CNTN3: variants seen among roughly 807,000 people sequenced by gnomAD.
CNTN3 encodes the protein contactin-3.
A neutral mutation model predicts 119.1 loss-of-function variants in CNTN3; 60 were observed. That is an observed-to-expected ratio of 0.50 (90% CI 0.41 to 0.62). CNTN3 has a LOEUF of 0.62. Ranked by LOEUF, CNTN3 falls within the 20% of genes least tolerant of loss-of-function variation. The probability of loss-of-function intolerance (pLI) is 0.00; values close to 1 mark genes in which losing one functional copy is unlikely to be tolerated. For synonymous variants in CNTN3, 450 were observed against 438.7 expected (o/e 1.03, Z -0.32); for missense variants, 1,101 against 1,242.4 (o/e 0.89, Z 1.71).
chr3:74,446,612 AT>A (rs1221336474), intron 4 of CNTN3, among the ~76,000 whole-genome samples: 5 of 151,880 alleles, frequency 3.3e-5, no homozygotes, highest in African/African-American at 1.2e-4. Context: ...TCTGTGAATA[AT>A]TTTTATATTG....
At chr3:74,478,038 T>C (rs796152932) in intron 4 of CNTN3, among the ~76,000 whole-genome samples, 2 of 152,214 alleles carry the variant, frequency 1.3e-5, no homozygotes, top group African/African-American at 4.8e-5. Context: ...AACTAGGACT[T>C]ACTAGTAGGT....
rs779154110 is a variant in CNTN3 at position 74,301,406 on chromosome 3, T to C, written c.2087A>G (p.Glu696Gly). The C allele has an allele frequency of 1.1e-5, 18 of 1,613,870 alleles. No individual in the cohort carries two copies. In the South Asian group the frequency reaches 2.0e-4, roughly 18 times the overall value. ...GAAAAAAAAACACTAACCTGCCTCTTCAGTTCTTACTTTTTCTGAGGGTAA... is the reference window on the plus strand; with the variant it reads ...GAAAAAAAAACACTAACCTGCCTCTCCAGTTCTTACTTTTTCTGAGGGTAA... ...PSLPSEKVRT[E>G]EAVPEVPPSE... is the part of the protein sequence containing the mutation. Residue 696 changes from glutamate to glycine, a missense_variant, in exon 16 of 23, where the codon GAA becomes GGA. Physicochemically the swap from Glu to Gly is moderately conservative, Grantham distance 98 (BLOSUM62 -2). Transcript: ENST00000263665.
chr3:74,389,972 T>C (rs888838690), intron 5 of CNTN3, among the ~76,000 whole-genome samples: 1 of 152,194 alleles, frequency 6.6e-6, no homozygotes, highest in Non-Finnish European at 1.5e-5. Context: ...GGAAGAAGCA[T>C]GGTGATAATT....
At chr3:74,608,057 CTT>C (rs1705022234) in intron 1 of CNTN3, among the ~76,000 whole-genome samples, 1 of 152,124 alleles carries the variant, frequency 6.6e-6, no homozygotes, top group Non-Finnish European at 1.5e-5. Flanking sequence ...ATACAGAACT[CTT>C]TGTACTATGT....
At chr3:74,407,423 C>T (rs945650779) in intron 5 of CNTN3, among the ~76,000 whole-genome samples, 3 of 144,680 alleles carry the variant, frequency 2.1e-5, no homozygotes, top group African/African-American at 7.8e-5. Context: ...CATGTGCCAC[C>T]ACGCCTGGCT....
At chr3:74,592,060 A>G (rs950958339) in intron 1 of CNTN3, among the ~76,000 whole-genome samples, 1 of 151,942 alleles carries the variant, frequency 6.6e-6, no homozygotes, top group Admixed American at 6.6e-5. Flanking sequence ...CACATAAAAA[A>G]TCTCCAAAAG....
chr3:74,421,674 A>T (rs1701618429), intron 5 of CNTN3, among the ~76,000 whole-genome samples: 1 of 152,236 alleles, frequency 6.6e-6, no homozygotes, highest in African/African-American at 2.4e-5. Flanking sequence ...TATGGGAGAC[A>T]GAGAAGGGCA....
intron 2 of CNTN3, among the ~76,000 whole-genome samples, chr3:74,500,975 A>G (rs934515869): frequency 6.6e-6 from 1 of 152,078 alleles, no homozygotes; most frequent in Admixed American, 6.6e-5. Context: ...TGTAAAACAC[A>G]TATTCTAGAA....
chr3:74,348,376 T>C (rs185590910), intron 11 of CNTN3, among the ~76,000 whole-genome samples: 1 of 152,280 alleles, frequency 6.6e-6, no homozygotes, highest in African/African-American at 2.4e-5. Flanking sequence ...AAAGTCTAAC[T>C]TCTCTCCCTT....
At chr3:74,549,660 C>G (rs1309409112) in intron 1 of CNTN3, among the ~76,000 whole-genome samples, 1 of 152,070 alleles carries the variant, frequency 6.6e-6, no homozygotes, top group African/African-American at 2.4e-5. Context: ...TAGGCCTCTT[C>G]TGAATACTCT....
At chr3:74,598,922 T>C (rs1046065164) in intron 1 of CNTN3, among the ~76,000 whole-genome samples, 1 of 152,040 alleles carries the variant, frequency 6.6e-6, no homozygotes, top group African/African-American at 2.4e-5. Flanking sequence ...ATAATTGCTA[T>C]CATAACAAAG....
chr3:74,295,101 T>G lies in CNTN3; in HGVS notation c.2517+20A>C. ...TGGCACGGTAACACACATACACAAT[T>G]TAATCGGAAAAGAAATTACCTCATA... On this transcript the variant is annotated intron_variant, in intron 19 of 22. Coordinates refer to ENST00000263665, the MANE Select transcript of CNTN3 (RefSeq NM_020872.3). 1 of 1,491,582 alleles carries G rather than the reference T, an allele frequency of 6.7e-7. No individual in the cohort carries two copies. The allele number at this position is 1,491,582 out of a possible 1,614,324, so 92.4% of individuals were successfully genotyped here. A position where few individuals can be genotyped will look rare whatever the true frequency, so the allele number is the denominator to read the frequency against.
intron 5 of CNTN3, among the ~76,000 whole-genome samples, chr3:74,372,848 G>A (rs1704375473): frequency 6.6e-6 from 1 of 152,030 alleles, no homozygotes; most frequent in African/African-American, 2.4e-5. Flanking sequence ...CCAACAAGCA[G>A]GGATAAAAGC....
intron 4 of CNTN3, among the ~76,000 whole-genome samples, chr3:74,467,475 T>C (rs919508107): frequency 6.6e-6 from 1 of 152,130 alleles, no homozygotes; most frequent in Non-Finnish European, 1.5e-5. Flanking sequence ...ATCACAGCGG[T>C]ATAATGGATA....
chr3:74,330,514 A>G (rs989627219), intron 13 of CNTN3, among the ~76,000 whole-genome samples: 1 of 152,240 alleles, frequency 6.6e-6, no homozygotes, highest in Non-Finnish European at 1.5e-5. Context: ...TGTACAGTAC[A>G]TAATACTTGA....
At chr3:74,334,321 T>C (rs73841832) in intron 13 of CNTN3, among the ~76,000 whole-genome samples, 1 of 152,252 alleles carries the variant, frequency 6.6e-6, no homozygotes, top group African/African-American at 2.4e-5. Flanking sequence ...GGATTAACAG[T>C]GATGATGTAC....
chr3:74,491,550 G>C (rs1463104493), intron 3 of CNTN3, among the ~76,000 whole-genome samples: 1 of 151,990 alleles, frequency 6.6e-6, no homozygotes, highest in Non-Finnish European at 1.5e-5. Flanking sequence ...GAAGGGATAC[G>C]CAGGTTCAGC....
intron 19 of CNTN3, among the ~76,000 whole-genome samples, chr3:74,291,005 T>C (rs1040371523): frequency 6.6e-6 from 1 of 152,122 alleles, no homozygotes; most frequent in Non-Finnish European, 1.5e-5. Context: ...ACCCATTAAC[T>C]CATCATTTAC....
At position 74,371,414 on chromosome 3, in the gene CNTN3, GAAGA is replaced by G. The variant is rs776652939; in HGVS notation, c.455-19_455-16del. On this transcript the variant is annotated splice_polypyrimidine_tract_variant and intron_variant, in intron 5 of 22. Transcript: ENST00000263665. ...ATATGACAGTTCTAATAAAATTGTT[GAAGA>G]GAGAAAGAAATTCCATCATTAAGGA... 3 of 1,592,574 alleles carry G rather than the reference GAAGA, an allele frequency of 1.9e-6. No individual in the cohort carries two copies. The South Asian group carries it at 3.3e-5, about 18-fold the overall frequency.
Sources: gnomAD v4.1 joint callset for allele counts (sites outside exome capture counted in the v4.1 genomes callset) on GRCh38, gnomAD v4.1.1 for gene constraint, MANE v1.5 for transcripts, NCBI Gene and HGNC (gene_info 2026-07-23, HGNC 2026-07-21) for gene names.